Variants in NOSTRIN observed in about 807,000 individuals in gnomAD.
NOSTRIN encodes BM247 homolog.
Under a neutral mutation model 59.0 loss-of-function variants are expected in NOSTRIN, and 63 were observed. The observed-to-expected ratio is 1.07, with a 90% confidence interval of 0.87 to 1.32. NOSTRIN has a LOEUF of 1.32. Ranked by LOEUF, NOSTRIN falls within the 40% of genes most tolerant of loss-of-function variation. The probability of loss-of-function intolerance (pLI) is 0.00; values close to 1 mark genes in which losing one functional copy is unlikely to be tolerated. For synonymous variants in NOSTRIN, 200 were observed against 165.4 expected, an observed-to-expected ratio of 1.21 and a Z score of -1.61; for missense variants, 512 against 473.1, an observed-to-expected ratio of 1.08 and a Z score of -0.76.
At chr2:168,839,598 G>A (rs1385681734) in intron 7 of NOSTRIN, among the ~76,000 whole-genome samples, 11 of 152,144 alleles carry the variant, frequency 7.2e-5, no homozygotes, top group Admixed American at 2.0e-4. Context: ...AAAGGTTTCT[G>A]AGAAGTTCCT....
Position 168,864,898 on chromosome 2 carries a change from A to G in NOSTRIN, c.1449A>G (p.Lys483=). The change falls in exon 16 of 16, where the codon AAA becomes AAG. Residue 483 remains lysine (K), a synonymous_variant. Transcript: ENST00000317647. ...GGWWFGSLNG[K]KGHFPAAYVE... is the part of the protein sequence containing the mutation. The stretch of plus-strand genomic sequence containing the variant: ...GGTGGTTTGGATCTTTGAATGGGAA[A>G]AAAGGCCATTTTCCTGCCGCTTATG... The G allele has an allele frequency of 1.9e-6, 3 of 1,614,118 alleles. No individual in the cohort carries two copies. Among genetic ancestry groups the G allele is most frequent in the Non-Finnish European group, 2.5e-6 (3 of 1,180,004 alleles).
At chr2:168,817,861 G>A (rs948056841) in intron 2 of NOSTRIN, among the ~76,000 whole-genome samples, 5 of 152,198 alleles carry the variant, frequency 3.3e-5, no homozygotes, top group Non-Finnish European at 7.3e-5. Context: ...TCCAATGACA[G>A]AGCTTCAATA....
chr2:168,862,861 T>C (rs1689553614), intron 15 of NOSTRIN, among the ~76,000 whole-genome samples: 1 of 152,216 alleles, frequency 6.6e-6, no homozygotes, highest in Admixed American at 6.5e-5. Flanking sequence ...GGAGAAAGAA[T>C]ATTATCCACG....
chr2:168,823,565 A>G (rs1686882094), intron 2 of NOSTRIN, among the ~76,000 whole-genome samples: 1 of 152,200 alleles, frequency 6.6e-6, no homozygotes, highest in African/African-American at 2.4e-5. Context: ...TTCTCTGTGT[A>G]CATGTCTGTT....
At chr2:168,846,325 T>C (rs78951583) in intron 8 of NOSTRIN, among the ~76,000 whole-genome samples, 2,212 of 152,320 alleles carry the variant, frequency 0.015, 60 homozygotes, top group African/African-American at 0.05. Flanking sequence ...TTCTCCATTC[T>C]TTCACCATTC....
At chr2:168,819,510 G>A (rs1037756359) in intron 2 of NOSTRIN, among the ~76,000 whole-genome samples, 4 of 152,184 alleles carry the variant, frequency 2.6e-5, no homozygotes, top group Non-Finnish European at 4.4e-5. Context: ...GAATTTAACC[G>A]TTAACATCTG....
chr2:168,803,761 T>TTA (rs1574254112), intron 1 of NOSTRIN, among the ~76,000 whole-genome samples: 1 of 152,162 alleles, frequency 6.6e-6, no homozygotes, highest in East Asian at 1.9e-4. Context: ...AATGATATGG[T>TTA]TATATATAGA....
chr2:168,865,053 TTA>T lies in NOSTRIN; in HGVS notation c.*84_*85del. On this transcript the variant is annotated 3_prime_UTR_variant, in exon 16 of 16. Transcript: ENST00000317647. ...AAATAAGAATAAAGTGCTCTTACCTTTACATGTTTTTCTTTTGAAATGGATGG... is the reference window on the plus strand; with the variant it reads ...AAATAAGAATAAAGTGCTCTTACCTTCATGTTTTTCTTTTGAAATGGATGG... The T allele has an allele frequency of 6.9e-7, 1 of 1,452,366 alleles. No individual in the cohort carries two copies. Among genetic ancestry groups the T allele is most frequent in the Non-Finnish European group, 9.4e-7 (1 of 1,066,362 alleles). 90.0% of individuals were successfully genotyped at this position (1,452,366 alleles called of 1,614,324 possible).
chr2:168,802,639 A>T lies in NOSTRIN; in HGVS notation c.-8A>T, dbSNP rs776939975. The T allele has an allele frequency of 1.2e-6, 1 of 868,740 alleles. No homozygotes were observed. The highest frequency in any genetic ancestry group is 1.6e-5 in the African/African-American group (1 of 61,402). 53.8% of individuals were successfully genotyped at this position (868,740 alleles called of 1,614,324 possible). On this transcript the variant is annotated 5_prime_UTR_variant, in exon 1 of 16. Coordinates refer to ENST00000317647, the MANE Select transcript of NOSTRIN (RefSeq NM_001039724.4). ...AGGTGAAAGGACAAAAGCCAGACAC[A>T]TTTCAACATGAGGGACCCACTGACA...
intron 15 of NOSTRIN, chr2:168,863,355 TTAA>T: frequency 4.2e-6 from 4 of 953,852 alleles, no homozygotes; most frequent in Non-Finnish European, 5.0e-6. Context: ...AGAAAAGGAG[TTAA>T]TAATTTCCTT....
intron 6 of NOSTRIN, 127 bp downstream of exon 6, chr2:168,831,661 T>C: frequency 1.6e-6 from 1 of 632,080 alleles, no homozygotes. Context: ...GAAAAATGTT[T>C]CCTTACCTGG....
At chr2:168,823,799 G>C (rs1265790837) in intron 2 of NOSTRIN, among the ~76,000 whole-genome samples, 1 of 152,156 alleles carries the variant, frequency 6.6e-6, no homozygotes, top group African/African-American at 2.4e-5. Context: ...CCTTTGGGCT[G>C]GGCACAGTGG....
intron 13 of NOSTRIN, 97 bp downstream of exon 13, chr2:168,859,734 A>G (rs1574340798): frequency 2.1e-6 from 3 of 1,428,980 alleles, no homozygotes; most frequent in Middle Eastern, 1.8e-4. Context: ...TAGGAATTCT[A>G]TGTGATATTA....
Position 168,824,688 on chromosome 2 carries a change from G to A in NOSTRIN, c.168G>A (p.Leu56=), listed in dbSNP as rs1686954430. ...GACTTCAGAAACTGGCAAGCAAGCT[G>A]AGCAAAGCATTACAGAACACGAGAA... ...AKGLQKLASK[L]SKALQNTRKS... The change falls in exon 3 of 16, where the codon CTG becomes CTA. Residue 56 remains leucine, a synonymous_variant. Coordinates refer to ENST00000317647, the MANE Select transcript of NOSTRIN (RefSeq NM_001039724.4). 5 of 872,830 alleles carry A rather than the reference G, an allele frequency of 5.7e-6. No homozygotes were observed. Among genetic ancestry groups the A allele is most frequent in the Non-Finnish European group, 1.0e-5 (5 of 501,588 alleles). 54.1% of individuals were successfully genotyped at this position (872,830 alleles called of 1,614,324 possible).
chr2:168,837,079 G>C (rs1011775416), intron 7 of NOSTRIN, among the ~76,000 whole-genome samples: 4 of 152,148 alleles, frequency 2.6e-5, no homozygotes, highest in Non-Finnish European at 1.5e-5. Flanking sequence ...GCTCCCTGGG[G>C]CCTCTTCTAT....
intron 8 of NOSTRIN, 149 bp downstream of exon 8, chr2:168,843,266 CATT>C (rs969582010): frequency 1.8e-6 from 1 of 542,114 alleles, no homozygotes; most frequent in African/African-American, 1.9e-5. Flanking sequence ...CATTTCCTCT[CATT>C]GTTTCAGTTT....
chr2:168,851,041 C>CG (rs758396678), intron 8 of NOSTRIN, 43 bp from the exon 9 acceptor site: 1 of 1,117,962 alleles, frequency 8.9e-7, no homozygotes, highest in Non-Finnish European at 1.4e-6. Flanking sequence ...TTCCATTTTG[C>CG]ATAACAACTG....
At chr2:168,793,765 A>G (rs1685415314), upstream of NOSTRIN, among the ~76,000 whole-genome samples, 2 of 152,226 alleles carry the variant, frequency 1.3e-5, no homozygotes, top group African/African-American at 2.4e-5. Context: ...AGTATCTTCC[A>G]AGCCTCATGA....
intron 2 of NOSTRIN, among the ~76,000 whole-genome samples, chr2:168,813,178 C>T (rs1261693187): frequency 6.6e-6 from 1 of 152,162 alleles, no homozygotes; most frequent in East Asian, 1.9e-4. Context: ...TTGTATGACT[C>T]CTATGAATTC....
Sources: allele counts gnomAD v4.1 joint callset (sites outside exome capture counted in the v4.1 genomes callset), GRCh38; gene constraint gnomAD v4.1.1; transcripts MANE v1.5; gene names NCBI Gene and HGNC (gene_info 2026-07-23, HGNC 2026-07-21).